Variants in FARSB observed in about 807,000 individuals in gnomAD.
FARSB encodes phenylalanine--tRNA ligase beta subunit.
In FARSB, 40 loss-of-function variants were observed where a neutral mutation model predicts 69.6. That is an observed-to-expected ratio of 0.57 (90% CI 0.45 to 0.75). FARSB has a LOEUF of 0.75. Among genes scored for constraint, FARSB ranks in the 30% least tolerant of loss-of-function variants. The probability of loss-of-function intolerance (pLI) is 0.00; values close to 1 mark genes in which losing one functional copy is unlikely to be tolerated. For missense variants in FARSB, 632 were observed against 722.9 expected (o/e 0.87, Z 1.44); for synonymous variants, 235 against 247.2 (o/e 0.95, Z 0.46).
intron 5 of FARSB, among the ~76,000 whole-genome samples, chr2:222,639,010 G>A (rs1183849094): frequency 6.6e-6 from 1 of 152,156 alleles, no homozygotes; most frequent in Non-Finnish European, 1.5e-5. Flanking sequence ...TAAGAGTTCA[G>A]AAATTATACA....
At chr2:222,631,175 C>T (rs767297102) in intron 8 of FARSB, among the ~76,000 whole-genome samples, 9 of 149,826 alleles carry the variant, frequency 6.0e-5, no homozygotes, top group Non-Finnish European at 1.3e-4. Flanking sequence ...TTCTTCATCG[C>T]CAGTTCCTTT....
intron 14 of FARSB, among the ~76,000 whole-genome samples, chr2:222,615,927 T>C (rs1021174913): frequency 9.2e-5 from 14 of 152,232 alleles, no homozygotes; most frequent in African/African-American, 2.4e-4. Context: ...ATTTAACTTA[T>C]TGAAATATAA....
chr2:222,621,475 G>A (rs1403664510), intron 13 of FARSB, among the ~76,000 whole-genome samples: 1 of 152,036 alleles, frequency 6.6e-6, no homozygotes, highest in Non-Finnish European at 1.5e-5. Context: ...CGCCCGCCTC[G>A]GCCTCCCAAA....
At chr2:222,585,748 A>C (rs1266061578) in intron 16 of FARSB, among the ~76,000 whole-genome samples, 1 of 152,240 alleles carries the variant, frequency 6.6e-6, no homozygotes, top group East Asian at 1.9e-4. Context: ...AGCTGATTGG[A>C]TCAAGGGGAA....
chr2:222,634,316 C>G (rs1487391251), intron 6 of FARSB, 75 bp downstream of exon 6: 2 of 1,020,634 alleles, frequency 2.0e-6, no homozygotes, highest in African/African-American at 3.2e-5. Flanking sequence ...TTACATTTCC[C>G]TAGTTGCAAG....
intron 15 of FARSB, among the ~76,000 whole-genome samples, chr2:222,608,019 G>A (rs1170030496): frequency 6.6e-6 from 1 of 151,778 alleles, no homozygotes; most frequent in Non-Finnish European, 1.5e-5. Context: ...CACGTTAGCA[G>A]ATCTTAACTA....
rs1338602729 is a variant in FARSB at position 222,635,473 on chromosome 2, G to A, written c.456-932C>T. The stretch of plus-strand genomic sequence containing the variant: ...AATTGCTAACAGGCAATAAGGGAGT[G>A]TTACTTTACTCAATTAGTCATATGC... On this transcript the variant is annotated intron_variant, in intron 5 of 16. Transcript: ENST00000281828. Among the ~76,000 whole-genome samples the A allele has an allele frequency of 3.9e-5, 6 of 152,318 alleles. No individual in the cohort carries two copies. In the East Asian group the frequency reaches 1.2e-3, roughly 29 times the overall value.
At chr2:222,601,998 A>G (rs750370869) in intron 15 of FARSB, among the ~76,000 whole-genome samples, 5 of 152,164 alleles carry the variant, frequency 3.3e-5, no homozygotes, top group Non-Finnish European at 7.3e-5. Context: ...CAACAGTCCA[A>G]ATGAACACTG....
chr2:222,573,139 GCTA>G (rs1285894594), intron 16 of FARSB, among the ~76,000 whole-genome samples: 2 of 152,018 alleles, frequency 1.3e-5, no homozygotes, highest in African/African-American at 2.4e-5. Context: ...AGGGGAACCG[GCTA>G]CTGTCAAGTT....
chr2:222,571,056 T>G lies in FARSB; in HGVS notation c.*815A>C, dbSNP rs543494041. On this transcript the variant is annotated 3_prime_UTR_variant, in exon 17 of 17. Transcript: ENST00000281828. ...GAGGTCTAATATCTCCCTGGGACAA[T>G]AGAGAAACTAGTAGCTCAATTAAGT... 4 of 152,124 alleles carry G rather than the reference T, an allele frequency of 2.6e-5. No individual in the cohort carries two copies. The highest frequency in any genetic ancestry group is 1.9e-4 in the East Asian group (1 of 5,192). 9.4% of individuals were successfully genotyped at this position (152,124 alleles called of 1,614,324 possible).
intron 10 of FARSB, among the ~76,000 whole-genome samples, chr2:222,627,702 T>C (rs1031161846): frequency 2.6e-5 from 4 of 152,262 alleles, no homozygotes; most frequent in East Asian, 1.9e-4. Context: ...CATACAGTTA[T>C]GTTTCTTTTG....
In FARSB at chr2:222,656,061, T is replaced by G. The variant is rs759402390; in HGVS notation, c.13A>C (p.Ser5Arg). 1.1e-5 allele frequency: 18 copies of G among 1,596,254 alleles called. No homozygotes were observed. The highest frequency in any genetic ancestry group is 1.1e-5 in the Non-Finnish European group (13 of 1,173,042). Residue 5 changes from serine (S) to arginine (R), a missense_variant, in exon 1 of 17, where the codon AGC becomes CGC. By Grantham distance (110) the Ser-to-Arg change is moderately radical. Coordinates refer to ENST00000281828, the MANE Select transcript of FARSB (RefSeq NM_005687.5). ...TGGAAGAGCAGATCACGCTTCACGC[T>G]GACAGTCGGCATGGTGTGTCGAACT... MPTV[S>R]VKRDLLFQAL...
chr2:222,642,198 A>G (rs1486550604), intron 3 of FARSB, among the ~76,000 whole-genome samples: 1 of 152,120 alleles, frequency 6.6e-6, no homozygotes, highest in African/African-American at 2.4e-5. Context: ...ACGGGGTTTC[A>G]CCATGTTGGC....
rs1474382099 is a variant in FARSB at position 222,646,678 on chromosome 2, T to C, written c.114+2062A>G. Among the ~76,000 whole-genome samples, 3 of 152,228 alleles carry C rather than the reference T, an allele frequency of 2.0e-5. No individual in the cohort carries two copies. In the East Asian group the frequency reaches 5.8e-4, roughly 29 times the overall value. ...CTGAAAATTTTGTTAGGCTTTCATT[T>C]AGTTGTGCTAAAATATCCATCTCGT... On this transcript the variant is annotated intron_variant, in intron 2 of 16. Transcript: ENST00000281828.
chr2:222,597,361 C>T (rs2106195173), intron 16 of FARSB, among the ~76,000 whole-genome samples: 1 of 151,952 alleles, frequency 6.6e-6, no homozygotes, highest in South Asian at 2.1e-4. Context: ...ACCAAAATAA[C>T]AACCTGGCCT....
At chr2:222,614,199 A>C (rs1690939196) in intron 14 of FARSB, among the ~76,000 whole-genome samples, 1 of 152,196 alleles carries the variant, frequency 6.6e-6, no homozygotes, top group Admixed American at 6.5e-5. Context: ...AATACAACCT[A>C]AATATGTTTG....
chr2:222,654,389 T>C (rs1383859037), intron 1 of FARSB, among the ~76,000 whole-genome samples: 1 of 152,242 alleles, frequency 6.6e-6, no homozygotes, highest in Admixed American at 6.5e-5. Context: ...AAGGTATATG[T>C]GAAATATAAA....
intron 14 of FARSB, among the ~76,000 whole-genome samples, chr2:222,616,316 AGATGGGCG>A (rs1393076697): frequency 1.3e-5 from 2 of 152,210 alleles, no homozygotes; most frequent in Non-Finnish European, 2.9e-5. Flanking sequence ...TGGGAGGCCA[AGATGGGCG>A]GATCACGAGG....
At chr2:222,644,602 T>C (rs980489635) in intron 2 of FARSB, 1 of 433,100 alleles carries the variant, frequency 2.3e-6, no homozygotes. Flanking sequence ...ACCGGAGAAA[T>C]GAAGGCATCT....
Sources: gnomAD v4.1 joint callset for allele counts (sites outside exome capture counted in the v4.1 genomes callset) on GRCh38, gnomAD v4.1.1 for gene constraint, MANE v1.5 for transcripts, NCBI Gene and HGNC (gene_info 2026-07-23, HGNC 2026-07-21) for gene names.